The following CACNA1C variants were observed in gnomAD, a reference collection of about 807,000 sequenced individuals.
CACNA1C encodes calcium voltage-gated channel subunit alpha1 C.
Under a neutral mutation model 229.0 loss-of-function variants are expected in CACNA1C, and 30 were observed. The ratio of observed to expected loss-of-function variants is 0.13; its 90% CI spans 0.10 to 0.18. The LOEUF is 0.18. Among genes scored for constraint, CACNA1C ranks in the 10% least tolerant of loss-of-function variants. The pLI is 1.00. For synonymous variants in CACNA1C, 1,114 were observed against 1,132.5 expected, an observed-to-expected ratio of 0.98 and a Z score of 0.33; for missense variants, 1,658 against 2,845.0, an observed-to-expected ratio of 0.58 and a Z score of 9.49.
At chr12:2,657,103 GCAATTACT>G (rs760269495) in intron 34 of CACNA1C, among the ~76,000 whole-genome samples, 3 of 152,142 alleles carry the variant, frequency 2.0e-5, no homozygotes, top group Non-Finnish European at 4.4e-5. Context: ...CTTCCCTGGA[GCAATTACT>G]CAGGCTGTAC....
At chr12:2,313,807 A>T (rs1451306281) in intron 3 of CACNA1C, among the ~76,000 whole-genome samples, 1 of 152,202 alleles carries the variant, frequency 6.6e-6, no homozygotes, top group Non-Finnish European at 1.5e-5. Flanking sequence ...GTTTTAGCTG[A>T]AAAGGCTTTT....
intron 38 of CACNA1C, among the ~76,000 whole-genome samples, chr12:2,671,171 C>G (rs181472928): frequency 4.6e-5 from 7 of 152,054 alleles, no homozygotes. Context: ...CGTGCCACCA[C>G]GCCCGGCTAA....
chr12:2,423,395 C>T (rs753198990), intron 3 of CACNA1C, among the ~76,000 whole-genome samples: 2 of 152,136 alleles, frequency 1.3e-5, no homozygotes, highest in African/African-American at 2.4e-5. Flanking sequence ...AAGCACTTGC[C>T]GTAGCTCTCA....
At position 2,679,401 on chromosome 12, in the gene CACNA1C, G is replaced by GT. The variant is rs777070628; in HGVS notation, c.5092-42dup. On this transcript the variant is annotated intron_variant, in intron 41 of 46. Transcript: ENST00000399655. The surrounding 1 kb of genome is among the most constrained non-coding windows in gnomAD (Gnocchi z 5.5). ...GGAGGCTGCTCTCTGGGAGGAGTGG[G>GT]TGCTAAGGGGCTTCTCCACCCACCC... The GT allele has an allele frequency of 1.4e-6, 2 of 1,394,998 alleles. No individual in the cohort carries two copies. Among genetic ancestry groups the GT allele is most frequent in the East Asian group, 5.0e-5 (2 of 40,016 alleles). 86.4% of individuals were successfully genotyped at this position (1,394,998 alleles called of 1,614,324 possible). A position where few individuals can be genotyped will look rare whatever the true frequency, so the allele number is the denominator to read the frequency against.
chr12:2,493,226 T>C lies in CACNA1C; in HGVS notation c.953T>C (p.Leu318Pro), dbSNP rs745856938. The change falls in exon 7 of 47, where the codon CTG becomes CCG. Residue 318 changes from leucine to proline, a missense_variant. Coordinates refer to ENST00000399655, the MANE Select transcript of CACNA1C (RefSeq NM_000719.7). The surrounding 1 kb of genome is among the most constrained non-coding windows in gnomAD (Gnocchi z 4.6). ...GAAGATGACCCTTCCCCTTGTGCGC[T>C]GGAAACGGGCCACGGGCGGCAGTGC... ...PAEDDPSPCALETGHGRQCQN... is the reference protein window; with the variant it reads ...PAEDDPSPCAPETGHGRQCQN... The C allele has an allele frequency of 1.9e-6, 3 of 1,614,022 alleles. No homozygotes were observed. Among genetic ancestry groups the C allele is most frequent in the Non-Finnish European group, 2.5e-6 (3 of 1,179,884 alleles).
Position 2,493,100 on chromosome 12 carries a change from A to G in CACNA1C, c.917-90A>G. The G allele has an allele frequency of 8.9e-7, 1 of 1,125,268 alleles. No individual in the cohort carries two copies. Among genetic ancestry groups the G allele is most frequent in the South Asian group, 1.3e-5 (1 of 75,630 alleles). 69.7% of individuals were successfully genotyped at this position (1,125,268 alleles called of 1,614,324 possible). A position where few individuals can be genotyped will look rare whatever the true frequency, so the allele number is the denominator to read the frequency against. ...TTGCTTTGCCCATCCCATCAACCTC[A>G]TCCTGTCACTTTTCTCTCTGACTTC... On this transcript the variant is annotated intron_variant, in intron 6 of 46. Transcript: ENST00000399655. The surrounding 1 kb of genome is among the most constrained non-coding windows in gnomAD (Gnocchi z 4.6).
chr12:2,416,366 A>G (rs975611025), intron 3 of CACNA1C, among the ~76,000 whole-genome samples: 5 of 152,132 alleles, frequency 3.3e-5, no homozygotes, highest in Admixed American at 2.0e-4. Context: ...TGGTGGAAGA[A>G]AAGGAAGGAG....
chr12:2,062,939 TG>T (rs2058038952), intron 1 of CACNA1C, among the ~76,000 whole-genome samples: 1 of 152,186 alleles, frequency 6.6e-6, no homozygotes, highest in African/African-American at 2.4e-5. Flanking sequence ...ATAGCAGCTT[TG>T]TTGAGGTATA....
intron 3 of CACNA1C, among the ~76,000 whole-genome samples, chr12:2,244,359 A>T (rs2072065145): frequency 6.6e-6 from 1 of 152,232 alleles, no homozygotes; most frequent in Non-Finnish European, 1.5e-5. Context: ...AGAAGCACTC[A>T]GGGCCTGAGC....
chr12:2,268,751 G>A (rs1022935328), intron 3 of CACNA1C, among the ~76,000 whole-genome samples: 1 of 152,158 alleles, frequency 6.6e-6, no homozygotes, highest in Non-Finnish European at 1.5e-5. Context: ...GAGGTTCCCC[G>A]GGAGACTGTG....
intron 9 of CACNA1C, among the ~76,000 whole-genome samples, chr12:2,547,115 G>A (rs150045865): frequency 1.3e-5 from 2 of 152,296 alleles, no homozygotes; most frequent in African/African-American, 4.8e-5. Flanking sequence ...GGAAACAACA[G>A]GGATGAGTGG....
At chr12:2,607,468 G>A (rs2075860938) in intron 26 of CACNA1C, 1 of 216,630 alleles carries the variant, frequency 4.6e-6, no homozygotes, top group South Asian at 1.4e-4. Flanking sequence ...CTCCAGGTGT[G>A]GGCCCTGTGG....
chr12:2,393,495 G>A (rs944513870), intron 3 of CACNA1C, among the ~76,000 whole-genome samples: 10 of 152,200 alleles, frequency 6.6e-5, no homozygotes, highest in Non-Finnish European at 1.5e-4. Flanking sequence ...TTGGGCAAGT[G>A]TGGCCTGACA....
At chr12:2,375,141 G>C (rs2098008408) in intron 3 of CACNA1C, among the ~76,000 whole-genome samples, 1 of 152,250 alleles carries the variant, frequency 6.6e-6, no homozygotes, top group Non-Finnish European at 1.5e-5. Context: ...TGAACCCAGT[G>C]CAGGGCGCAC....
chr12:2,481,627 A>G (rs1035946966), intron 5 of CACNA1C, among the ~76,000 whole-genome samples: 5 of 152,250 alleles, frequency 3.3e-5, no homozygotes, highest in African/African-American at 1.2e-4. Context: ...GTCACTTGAC[A>G]TGAACTCCAA....
intron 5 of CACNA1C, among the ~76,000 whole-genome samples, chr12:2,458,981 CTTTT>C (rs71057826): frequency 2.8e-5 from 3 of 105,594 alleles, no homozygotes; most frequent in Admixed American, 1.1e-4. Flanking sequence ...CTTTTTCTTT[CTTTT>C]TTTTTTTTTT....
At chr12:2,604,049 C>T (rs943957826) in intron 22 of CACNA1C, among the ~76,000 whole-genome samples, 2 of 94,738 alleles carry the variant, frequency 2.1e-5, no homozygotes, top group Non-Finnish European at 4.7e-5. Flanking sequence ...GGCAGGATCC[C>T]GTCTGCAACA....
intron 3 of CACNA1C, among the ~76,000 whole-genome samples, chr12:2,386,412 C>A (rs183606424): frequency 6.6e-6 from 1 of 152,210 alleles, no homozygotes; most frequent in Non-Finnish European, 1.5e-5. Flanking sequence ...CCTCTTCCCC[C>A]CAACTTTCTT....
intron 3 of CACNA1C, among the ~76,000 whole-genome samples, chr12:2,272,306 C>T (rs553592677): frequency 4.1e-4 from 63 of 152,176 alleles, no homozygotes; most frequent in Non-Finnish European, 8.4e-4. Context: ...TCACCTTTCC[C>T]TCCAAAGCCT....
Sources: allele counts gnomAD v4.1 joint callset (sites outside exome capture counted in the v4.1 genomes callset), GRCh38; gene constraint gnomAD v4.1.1; non-coding constraint Gnocchi (gnomAD v3.1); transcripts MANE v1.5; gene names NCBI Gene and HGNC (gene_info 2026-07-23, HGNC 2026-07-21).